CA10: variants seen among roughly 807,000 people sequenced by gnomAD.
The protein encoded by CA10 is carbonic anhydrase-related protein 10.
Under a neutral mutation model 44.2 loss-of-function variants are expected in CA10, and 14 were observed. That is an observed-to-expected ratio of 0.32 (90% CI 0.21 to 0.50). CA10 has a LOEUF of 0.50. Ranked by LOEUF, CA10 falls within the 20% of genes least tolerant of loss-of-function variation. CA10 has a pLI of 0.99. For missense variants in CA10, 350 were observed against 409.7 expected (o/e 0.85, Z 1.26); for synonymous variants, 159 against 141.6 (o/e 1.12, Z -0.87).
chr17:52,098,628 T>C (rs1170928881), intron 1 of CA10, among the ~76,000 whole-genome samples: 1 of 152,168 alleles, frequency 6.6e-6, no homozygotes, highest in Non-Finnish European at 1.5e-5. Flanking sequence ...ATCTTCTATT[T>C]ATGGAGATAT....
At chr17:52,121,524 G>A (rs1029725307) in intron 1 of CA10, among the ~76,000 whole-genome samples, 4 of 152,158 alleles carry the variant, frequency 2.6e-5, no homozygotes, top group South Asian at 2.1e-4. Flanking sequence ...TTAGGTATGT[G>A]AAGCTGTAAA....
rs1300792695 is a variant in CA10 at position 51,631,130 on chromosome 17, G to C, written c.*454C>G. The C allele has an allele frequency of 5.9e-6, 1 of 168,920 alleles. No homozygotes were observed. Among genetic ancestry groups the C allele is most frequent in the Non-Finnish European group, 1.3e-5 (1 of 78,514 alleles). The allele number at this position is 168,920 out of a possible 1,614,324, so 10.5% of individuals were successfully genotyped here. On this transcript the variant is annotated 3_prime_UTR_variant, in exon 9 of 9. Coordinates refer to ENST00000451037, the MANE Select transcript of CA10 (RefSeq NM_020178.5). ...ATGCAAAGTCCGTTTGATGCCATCA[G>C]AGCTGTATTTTCTCCTCTCTCTTTT...
At chr17:52,093,061 T>C (rs1823624717) in intron 1 of CA10, among the ~76,000 whole-genome samples, 1 of 152,182 alleles carries the variant, frequency 6.6e-6, no homozygotes, top group African/African-American at 2.4e-5. Flanking sequence ...GTTTATATGT[T>C]GTTTCACTTA....
At chr17:51,967,794 G>A (rs973121341) in intron 2 of CA10, among the ~76,000 whole-genome samples, 9 of 151,566 alleles carry the variant, frequency 5.9e-5, no homozygotes, top group Admixed American at 4.6e-4. Context: ...GTATACCCAT[G>A]TAATGAAACT....
chr17:51,670,602 C>T (rs1239865329), intron 4 of CA10, among the ~76,000 whole-genome samples: 1 of 152,110 alleles, frequency 6.6e-6, no homozygotes, highest in African/African-American at 2.4e-5. Flanking sequence ...GAGCTCCATT[C>T]CAGCTCTTTC....
At chr17:51,688,994 TTATA>T (rs1915098682) in intron 4 of CA10, among the ~76,000 whole-genome samples, 1 of 152,158 alleles carries the variant, frequency 6.6e-6, no homozygotes, top group Non-Finnish European at 1.5e-5. Flanking sequence ...TATCTCTATT[TTATA>T]TAAGGGGTAA....
intron 3 of CA10, among the ~76,000 whole-genome samples, chr17:51,779,582 T>C (rs1255212886): frequency 6.6e-6 from 1 of 152,152 alleles, no homozygotes; most frequent in African/African-American, 2.4e-5. Flanking sequence ...GGGTGACAAA[T>C]GGACTTGCCA....
chr17:52,063,180 C>T (rs765552896), intron 2 of CA10, among the ~76,000 whole-genome samples: 26 of 152,260 alleles, frequency 1.7e-4, no homozygotes, highest in East Asian at 5.8e-4. Context: ...TCTTTGTGAA[C>T]GAGAATGTTT....
intron 2 of CA10, among the ~76,000 whole-genome samples, chr17:52,064,252 A>G (rs923660312): frequency 4.6e-5 from 7 of 152,198 alleles, no homozygotes; most frequent in African/African-American, 1.7e-4. Context: ...ATGCAGCCAG[A>G]ATGACACCTT....
intron 1 of CA10, among the ~76,000 whole-genome samples, chr17:52,155,829 C>T (rs1270090442): frequency 6.6e-6 from 1 of 152,170 alleles, no homozygotes; most frequent in Non-Finnish European, 1.5e-5. Context: ...TATGAAAGGC[C>T]ATGTACTCCA....
chr17:51,885,963 C>G (rs1254236123), intron 3 of CA10, among the ~76,000 whole-genome samples: 2 of 152,212 alleles, frequency 1.3e-5, no homozygotes, highest in Non-Finnish European at 2.9e-5. Flanking sequence ...AGGTTTCTAA[C>G]TAAGGCATTT....
At chr17:51,943,427 C>A (rs1983159435) in intron 2 of CA10, among the ~76,000 whole-genome samples, 1 of 152,200 alleles carries the variant, frequency 6.6e-6, no homozygotes. Context: ...GTAAATATCT[C>A]TAAAGGGTTT....
chr17:52,033,206 G>C (rs1986519875), intron 2 of CA10, among the ~76,000 whole-genome samples: 1 of 152,082 alleles, frequency 6.6e-6, no homozygotes, highest in Non-Finnish European at 1.5e-5. Flanking sequence ...TAGTAAAATT[G>C]GATACTGTGG....
chr17:51,863,641 T>C (rs1979414417), intron 3 of CA10, among the ~76,000 whole-genome samples: 1 of 152,174 alleles, frequency 6.6e-6, no homozygotes, highest in African/African-American at 2.4e-5. Flanking sequence ...ATGAGCTGGA[T>C]ACAAATTCAC....
At chr17:52,019,425 A>T (rs993198239) in intron 2 of CA10, among the ~76,000 whole-genome samples, 1 of 151,976 alleles carries the variant, frequency 6.6e-6, no homozygotes, top group African/African-American at 2.4e-5. Context: ...TGACTGATTC[A>T]CCCTCTCCGA....
At chr17:52,058,529 G>A (rs758854417) in intron 2 of CA10, among the ~76,000 whole-genome samples, 6 of 152,094 alleles carry the variant, frequency 3.9e-5, no homozygotes, top group African/African-American at 1.2e-4. Flanking sequence ...GCTTTCTGCC[G>A]TGCAGCTCTG....
In CA10 at chr17:52,131,088, C is replaced by T. The variant is rs1005199049; in HGVS notation, c.61+26638G>A. Among the ~76,000 whole-genome samples the T allele has an allele frequency of 7.4e-4, 112 of 151,100 alleles. 1 individual carries two copies. The highest frequency in any genetic ancestry group is 2.6e-3 in the African/African-American group (106 of 41,262). On this transcript the variant is annotated intron_variant, in intron 1 of 8. Transcript: ENST00000451037. ...CAATATTACATATGATAAATATATACTATATTTATTTTTATTTTATTTTTT... is the reference window on the plus strand; with the variant it reads ...CAATATTACATATGATAAATATATATTATATTTATTTTTATTTTATTTTTT...
chr17:51,807,886 G>T (rs1267650821), intron 3 of CA10, among the ~76,000 whole-genome samples: 2 of 152,210 alleles, frequency 1.3e-5, no homozygotes, highest in African/African-American at 4.8e-5. Flanking sequence ...CTTGCAGGGT[G>T]CTGGGAATGT....
chr17:52,094,609 G>C (rs1988357494), intron 1 of CA10, among the ~76,000 whole-genome samples: 1 of 152,120 alleles, frequency 6.6e-6, no homozygotes, highest in African/African-American at 2.4e-5. Flanking sequence ...ACGGTATCCA[G>C]AAATACTTTA....
Sources: allele counts gnomAD v4.1 joint callset (sites outside exome capture counted in the v4.1 genomes callset), GRCh38; gene constraint gnomAD v4.1.1; transcripts MANE v1.5; gene names NCBI Gene and HGNC (gene_info 2026-07-23, HGNC 2026-07-21).